SUPT3H: variants seen among roughly 807,000 people sequenced by gnomAD.
SUPT3H encodes transcription initiation protein SPT3 homolog.
In SUPT3H, 44 loss-of-function variants were observed where a neutral mutation model predicts 44.3. The observed-to-expected ratio is 0.99, with a 90% CI of 0.78 to 1.28. The LOEUF is 1.28. Among genes scored for constraint, SUPT3H ranks in the 50% most tolerant of loss-of-function variants. The pLI is 0.00. For synonymous variants in SUPT3H, 124 were observed against 125.6 expected, an observed-to-expected ratio of 0.99 and a Z score of 0.09; for missense variants, 380 against 387.1, an observed-to-expected ratio of 0.98 and a Z score of 0.15.
intron 2 of SUPT3H, among the ~76,000 whole-genome samples, chr6:45,291,135 C>A (rs1316690647): frequency 6.6e-6 from 1 of 152,192 alleles, no homozygotes; most frequent in African/African-American, 2.4e-5. Context: ...ACTCTGCAGA[C>A]AACCTGCAAT....
At chr6:45,188,346 A>G (rs1038518932) in intron 2 of SUPT3H, among the ~76,000 whole-genome samples, 2 of 152,258 alleles carry the variant, frequency 1.3e-5, no homozygotes, top group African/African-American at 4.8e-5. Flanking sequence ...GAAATCGGGA[A>G]AAAGGAAAAA....
At chr6:44,817,292 A>G (rs1315623579) in intron 11 of SUPT3H, among the ~76,000 whole-genome samples, 1 of 152,084 alleles carries the variant, frequency 6.6e-6, no homozygotes, top group African/African-American at 2.4e-5. Flanking sequence ...AAAATTCAAC[A>G]TCCATAAAAA....
chr6:45,185,303 A>G (rs181138461), intron 2 of SUPT3H, among the ~76,000 whole-genome samples: 1 of 152,320 alleles, frequency 6.6e-6, no homozygotes, highest in East Asian at 1.9e-4. Flanking sequence ...ACAGGAACAA[A>G]GAGACTGTAC....
chr6:45,294,028 A>T (rs1196565627), intron 2 of SUPT3H, among the ~76,000 whole-genome samples: 5 of 152,154 alleles, frequency 3.3e-5, no homozygotes, highest in African/African-American at 1.2e-4. Flanking sequence ...AAAGGACATA[A>T]CCAAAAAAAG....
intron 2 of SUPT3H, among the ~76,000 whole-genome samples, chr6:45,310,667 C>T (rs1479438243): frequency 6.6e-6 from 1 of 152,076 alleles, no homozygotes; most frequent in African/African-American, 2.4e-5. Flanking sequence ...TGGCTAGACC[C>T]AGAAGAGAGA....
intron 2 of SUPT3H, among the ~76,000 whole-genome samples, chr6:45,263,337 C>T (rs4714847): frequency 0.38 from 57,736 of 151,972 alleles, 11,616 homozygotes; most frequent in Non-Finnish European, 0.45. Context: ...TGCAGAAATA[C>T]GGATGCAGCT....
At chr6:45,159,377 C>T (rs1012376939) in intron 2 of SUPT3H, 27 of 152,134 alleles carry the variant, frequency 1.8e-4, no homozygotes, top group African/African-American at 6.3e-4. Context: ...CTAATTAGGC[C>T]TCTAGGCTTC....
chr6:45,171,484 C>A (rs967520922), intron 2 of SUPT3H, among the ~76,000 whole-genome samples: 1 of 152,056 alleles, frequency 6.6e-6, no homozygotes, highest in Admixed American at 6.5e-5. Context: ...ACACAGAAAT[C>A]AGTACATGCT....
In SUPT3H at chr6:45,211,046, G is replaced by A. The variant is rs145356321; in HGVS notation, c.102-105040C>T. Among the ~76,000 whole-genome samples the A allele has an allele frequency of 4.1e-4, 62 of 152,242 alleles. 1 individual carries two copies. The East Asian group carries it at 0.01, about 25-fold the overall frequency. ...CTTTAACTGACCATTCCACAAAGGA[G>A]CATGGGAAAAGGTGTTTTTTATTAG... is the stretch of plus-strand genomic sequence containing the variant. On this transcript the variant is annotated intron_variant, in intron 2 of 10. Coordinates refer to ENST00000371459, the MANE Select transcript of SUPT3H (RefSeq NM_003599.4).
At chr6:44,929,647 C>T (rs1770210118) in intron 10 of SUPT3H, among the ~76,000 whole-genome samples, 1 of 152,136 alleles carries the variant, frequency 6.6e-6, no homozygotes, top group Non-Finnish European at 1.5e-5. Flanking sequence ...AGCTGCAGCT[C>T]AAAGCCAAGG....
intron 10 of SUPT3H, among the ~76,000 whole-genome samples, chr6:44,905,946 G>A (rs1225907016): frequency 2.0e-5 from 3 of 151,930 alleles, no homozygotes; most frequent in South Asian, 2.1e-4. Flanking sequence ...AACACCACAT[G>A]TTCTCACTCA....
At chr6:45,283,662 C>T (rs1778625682) in intron 2 of SUPT3H, among the ~76,000 whole-genome samples, 1 of 152,030 alleles carries the variant, frequency 6.6e-6, no homozygotes, top group Admixed American at 6.6e-5. Flanking sequence ...CCACTGTCAA[C>T]ACTAGACAGA....
intron 6 of SUPT3H, among the ~76,000 whole-genome samples, chr6:45,001,389 G>T (rs1398420894): frequency 1.3e-5 from 2 of 152,010 alleles, no homozygotes; most frequent in African/African-American, 4.8e-5. Flanking sequence ...AAATAAATGT[G>T]TAAGAGTTAG....
chr6:45,347,854 A>T (rs955853916), intron 2 of SUPT3H, among the ~76,000 whole-genome samples: 3 of 152,082 alleles, frequency 2.0e-5, no homozygotes, highest in Non-Finnish European at 4.4e-5. Context: ...TACTATTTTT[A>T]AAAAATACTA....
At chr6:45,153,958 T>C (rs1807367592) in intron 2 of SUPT3H, among the ~76,000 whole-genome samples, 1 of 151,154 alleles carries the variant, frequency 6.6e-6, no homozygotes, top group Middle Eastern at 3.4e-3. Flanking sequence ...TAGACCCAGC[T>C]ACTCGGGAGG....
intron 10 of SUPT3H, among the ~76,000 whole-genome samples, chr6:44,830,391 C>CA (rs1279947365): frequency 6.6e-6 from 1 of 152,042 alleles, no homozygotes; most frequent in South Asian, 2.1e-4. Context: ...TAGACAGTAT[C>CA]AAAAATGCAA....
rs757755381 is a variant in SUPT3H, at chr6:45,003,690, T to C, written c.467A>G (p.Asp156Gly). 1 of 1,613,808 alleles carries C rather than the reference T, an allele frequency of 6.2e-7. No individual in the cohort carries two copies. Among genetic ancestry groups the C allele is most frequent in the Non-Finnish European group, 8.5e-7 (1 of 1,179,820 alleles). Residue 156 changes from aspartate to glycine, a missense_variant, in exon 6 of 11, where the codon GAT becomes GGT. Transcript: ENST00000371459. ...QTGELLAMFE[D>G]DEIDEVKQER... ...TTGTTTAACTTCATCAATTTCGTCATCTTCAAACATTGCTAAAAGTTCTCC... is the reference window on the plus strand; with the variant it reads ...TTGTTTAACTTCATCAATTTCGTCACCTTCAAACATTGCTAAAAGTTCTCC...
At chr6:45,153,501 A>G (rs984928644) in intron 2 of SUPT3H, among the ~76,000 whole-genome samples, 10 of 152,236 alleles carry the variant, frequency 6.6e-5, no homozygotes, top group Admixed American at 6.5e-4. Context: ...TGATGACTCA[A>G]CCTGCATAGG....
chr6:45,245,885 T>G (rs574843317), intron 2 of SUPT3H, among the ~76,000 whole-genome samples: 2 of 152,300 alleles, frequency 1.3e-5, no homozygotes, highest in South Asian at 2.1e-4. Context: ...TTCAACAATT[T>G]TAAATTCCTA....
Sources: gnomAD v4.1 joint callset for allele counts (sites outside exome capture counted in the v4.1 genomes callset) on GRCh38, gnomAD v4.1.1 for gene constraint, MANE v1.5 for transcripts, NCBI Gene and HGNC (gene_info 2026-07-23, HGNC 2026-07-21) for gene names.